The following NEK10 variants were observed in gnomAD, a reference collection of about 807,000 sequenced individuals.
NEK10 encodes NIMA related kinase 10, also known as serine/threonine-protein kinase Nek10.
In NEK10, 122 loss-of-function variants were observed where a neutral mutation model predicts 159.8. The ratio of observed to expected loss-of-function variants is 0.76; its 90% confidence interval spans 0.66 to 0.89. The LOEUF (loss-of-function observed/expected upper bound fraction) is 0.89. NEK10 is among the 40% of genes least tolerant of loss of function. NEK10 has a pLI of 0.00. For missense variants in NEK10, 1,342 were observed against 1,323.1 expected (o/e 1.01, Z -0.22); for synonymous variants, 466 against 457.1 (o/e 1.02, Z -0.25).
intron 22 of NEK10, among the ~76,000 whole-genome samples, chr3:27,281,234 A>C (rs1286666004): frequency 6.6e-6 from 1 of 152,096 alleles, no homozygotes; most frequent in Non-Finnish European, 1.5e-5. Context: ...TAAGACTAAA[A>C]AGATTCTAAA....
At chr3:27,182,396 C>T (rs188490954) in intron 26 of NEK10, among the ~76,000 whole-genome samples, 29 of 152,020 alleles carry the variant, frequency 1.9e-4, no homozygotes, top group South Asian at 6.2e-4. Context: ...AAAATCAAAA[C>T]GGTGTGGTAT....
intron 30 of NEK10, 37 bp downstream of exon 30, chr3:27,162,664 G>A (rs1400070752): frequency 6.2e-7 from 1 of 1,614,060 alleles, no homozygotes; most frequent in East Asian, 2.2e-5. Context: ...ATTTTAGAGA[G>A]TTGTGTTTGA....
chr3:27,269,922 T>G (rs544745987), intron 22 of NEK10, among the ~76,000 whole-genome samples: 2 of 152,340 alleles, frequency 1.3e-5, no homozygotes, highest in Non-Finnish European at 2.9e-5. Flanking sequence ...AAAATCCTAT[T>G]GTTTCTACAA....
At chr3:27,255,350 A>C in intron 23 of NEK10, 1 of 404,840 alleles carries the variant, frequency 2.5e-6, no homozygotes, top group Admixed American at 2.9e-5. Flanking sequence ...GATAAATGAA[A>C]AGTCACCCTC....
chr3:27,207,234 A>C (rs1358615798), intron 23 of NEK10, among the ~76,000 whole-genome samples: 1 of 152,230 alleles, frequency 6.6e-6, no homozygotes, highest in Non-Finnish European at 1.5e-5. Flanking sequence ...TCAAAAGATA[A>C]GATGATAATA....
intron 23 of NEK10, among the ~76,000 whole-genome samples, chr3:27,219,937 T>A (rs1454595862): frequency 6.6e-6 from 1 of 152,028 alleles, no homozygotes; most frequent in East Asian, 1.9e-4. Context: ...CAATGAACAA[T>A]CCAAGATGAA....
At chr3:27,256,164 T>G (rs1956148042) in intron 23 of NEK10, 132 bp downstream of exon 23, 1 of 450,756 alleles carries the variant, frequency 2.2e-6, no homozygotes, top group African/African-American at 2.0e-5. Flanking sequence ...GTGTATTACC[T>G]AGATAATTGA....
chr3:27,324,883 G>C (rs1178412765), intron 5 of NEK10, among the ~76,000 whole-genome samples: 2 of 152,082 alleles, frequency 1.3e-5, no homozygotes, highest in Non-Finnish European at 2.9e-5. Context: ...ACTGCCCCTT[G>C]TTCACTCCCT....
intron 15 of NEK10, among the ~76,000 whole-genome samples, chr3:27,294,576 T>A (rs1439182828): frequency 2.6e-5 from 4 of 152,160 alleles, no homozygotes; most frequent in Non-Finnish European, 5.9e-5. Context: ...CACAGTGTCA[T>A]ATATCTGTGA....
intron 22 of NEK10, among the ~76,000 whole-genome samples, chr3:27,268,886 C>A (rs2041113825): frequency 6.6e-6 from 1 of 152,098 alleles, no homozygotes; most frequent in African/African-American, 2.4e-5. Context: ...TTCTAGATAT[C>A]ATTAAGTACA....
chr3:27,364,105 G>A (rs2048878262), intron 1 of NEK10, among the ~76,000 whole-genome samples: 1 of 150,896 alleles, frequency 6.6e-6, no homozygotes, highest in Non-Finnish European at 1.5e-5. Context: ...TGTGTGTGGA[G>A]AGTGCGGTCT....
At chr3:27,159,360 A>C (rs1309889295) in intron 30 of NEK10, among the ~76,000 whole-genome samples, 1 of 152,136 alleles carries the variant, frequency 6.6e-6, no homozygotes, top group East Asian at 1.9e-4. Context: ...ACTGGTTCTC[A>C]TTTACAGAAA....
At chr3:27,160,077 T>C (rs1945874278) in intron 30 of NEK10, among the ~76,000 whole-genome samples, 1 of 152,074 alleles carries the variant, frequency 6.6e-6, no homozygotes, top group Admixed American at 6.6e-5. Context: ...GACCAAATGT[T>C]AAGTAAATGA....
Position 27,109,205 on chromosome 3 carries a change from C to G in NEK10, c.*2067G>C, listed in dbSNP as rs2125383631. Among the ~76,000 whole-genome samples the G allele has an allele frequency of 6.6e-6, 1 of 152,044 alleles. No individual in the cohort carries two copies. Among genetic ancestry groups the G allele is most frequent in the East Asian group, 1.9e-4 (1 of 5,166 alleles). ...ACCAGCCTGGCCAACATGGTGTAAC[C>G]CCATCTCTACTAAAAACACAAAAAT... On this transcript the variant is annotated 3_prime_UTR_variant, in exon 36 of 36. Transcript: ENST00000691995.
At chr3:27,327,978 A>G (rs965188300) in intron 5 of NEK10, among the ~76,000 whole-genome samples, 1 of 151,940 alleles carries the variant, frequency 6.6e-6, no homozygotes, top group Non-Finnish European at 1.5e-5. Context: ...TTCATCCTAA[A>G]TGATTATTTA....
chr3:27,300,443 G>T (rs1300885613), intron 13 of NEK10, among the ~76,000 whole-genome samples: 1 of 151,976 alleles, frequency 6.6e-6, no homozygotes, highest in Non-Finnish European at 1.5e-5. Context: ...TTTGTAAATT[G>T]CCCTGTCTTG....
intron 31 of NEK10, among the ~76,000 whole-genome samples, chr3:27,137,401 T>C (rs1316711289): frequency 6.6e-6 from 1 of 152,214 alleles, no homozygotes; most frequent in Non-Finnish European, 1.5e-5. Flanking sequence ...GACAGGCATA[T>C]GAAAACTATA....
chr3:27,210,525 A>G (rs1950913883), intron 23 of NEK10, among the ~76,000 whole-genome samples: 1 of 152,178 alleles, frequency 6.6e-6, no homozygotes, highest in Admixed American at 6.5e-5. Flanking sequence ...ACTCTGTATA[A>G]CGAGACCACC....
At chr3:27,160,046 C>T (rs1270024043) in intron 30 of NEK10, among the ~76,000 whole-genome samples, 1 of 151,800 alleles carries the variant, frequency 6.6e-6, no homozygotes, top group African/African-American at 2.4e-5. Flanking sequence ...CCAACATGTT[C>T]CTTTCTATCC....
Sources: gnomAD v4.1 joint callset for allele counts (sites outside exome capture counted in the v4.1 genomes callset) on GRCh38, gnomAD v4.1.1 for gene constraint, MANE v1.5 for transcripts, NCBI Gene and HGNC (gene_info 2026-07-23, HGNC 2026-07-21) for gene names.